Variants in GRK7 observed in about 807,000 individuals in gnomAD.
GRK7 encodes the protein rhodopsin kinase GRK7.
Under a neutral mutation model 34.1 loss-of-function variants are expected in GRK7, and 24 were observed. That is an observed-to-expected ratio of 0.70 (90% confidence interval 0.51 to 0.99). The LOEUF is 0.99. GRK7 is among the 50% of genes least tolerant of loss of function. The pLI is 0.00. For synonymous variants in GRK7, 256 were observed against 279.4 expected (o/e 0.92, Z 0.84); for missense variants, 644 against 707.3 (o/e 0.91, Z 1.02).
chr3:141,776,326 T>G (rs1323204129), intron 2 of GRK7, among the ~76,000 whole-genome samples: 1 of 151,984 alleles, frequency 6.6e-6, no homozygotes, highest in African/African-American at 2.4e-5. Context: ...TATATAAATA[T>G]GTATATATCT....
chr3:141,760,393 C>A (rs371945504), upstream of GRK7, among the ~76,000 whole-genome samples: 11 of 141,906 alleles, frequency 7.8e-5, no homozygotes, highest in African/African-American at 1.3e-4. Flanking sequence ...ATTCAGGAGC[C>A]GGTTGTTCAG....
chr3:141,796,980 A>T (rs182632080), intron 4 of GRK7, among the ~76,000 whole-genome samples: 172 of 152,284 alleles, frequency 1.1e-3, no homozygotes, highest in African/African-American at 4.0e-3. Context: ...TCACAGTCCC[A>T]TAAGGCAAGA....
chr3:141,785,744 A>G (rs1490531086), intron 4 of GRK7, among the ~76,000 whole-genome samples: 2 of 151,614 alleles, frequency 1.3e-5, no homozygotes, highest in Admixed American at 1.3e-4. Flanking sequence ...AGCCTGGATG[A>G]AAGAGAAAGA....
rs1559840467 is a variant in GRK7, at chr3:141,778,763, A to ACGCTGGCCAAGGCTGAG, written c.479_480insCGCTGGCCAAGGCTGAG (p.Glu160AspfsTer6). 1.2e-6 allele frequency: 2 copies of ACGCTGGCCAAGGCTGAG among 1,608,678 alleles called. No homozygotes were observed. The highest frequency in any genetic ancestry group is 3.4e-5 in the Admixed American group (2 of 59,106). ...GCTGAGGCCATGGCTTTCTTGCAAG[A>ACGCTGGCCAAGGCTGAG]GCAGCCCTTTAAGGATTTCGTGACC... On this transcript the variant is annotated stop_gained and frameshift_variant, in exon 3 of 6. Transcript: ENST00000682958. LOFTEE classifies it high-confidence loss of function. The surrounding 1 kb of genome is among the most constrained non-coding windows in gnomAD (Gnocchi z 4.1).
chr3:141,807,224 A>G (rs1254155701), intron 4 of GRK7, among the ~76,000 whole-genome samples: 1 of 152,206 alleles, frequency 6.6e-6, no homozygotes, highest in East Asian at 1.9e-4. Flanking sequence ...CTCAACCTTA[A>G]AAAATCATAT....
At chr3:141,756,066 C>T in the GRK7 span, among the ~76,000 whole-genome samples, 24,484 of 150,824 alleles carry the variant, frequency 0.16, 2,246 homozygotes, top group African/African-American at 0.24. Context: ...ATCCCAAGCA[C>T]TTTGCGAGGC....
chr3:141,770,686 C>T (rs1479106327), intron 1 of GRK7, among the ~76,000 whole-genome samples: 1 of 152,032 alleles, frequency 6.6e-6, no homozygotes, highest in East Asian at 1.9e-4. Context: ...CAGAGAAATG[C>T]AGATTACAGA....
chr3:141,819,278 G>A lies in GRK7; in HGVS notation c.*2228G>A, dbSNP rs1711184864. On this transcript the variant is annotated 3_prime_UTR_variant, in exon 6 of 6. Coordinates refer to ENST00000682958, the MANE Select transcript of GRK7 (RefSeq NM_139209.3). ...GGACAAATGCAAACTAATAATTAAA[G>A]ATAAATATCTCAGTTTTTAAAAGGA... 6.6e-6 allele frequency among the ~76,000 whole-genome samples: 1 copy of A among 152,070 alleles called. No homozygotes were observed. Among genetic ancestry groups the A allele is most frequent in the Non-Finnish European group, 1.5e-5 (1 of 67,996 alleles).
rs1271582816 is a variant in GRK7, at chr3:141,778,618, A to T, written c.334A>T (p.Thr112Ser). ...CAGCGCGCTGCAGGGGCTGGTGGCC[A>T]CTTGTGCGAGTGCCCCTGCCCCGGG... ...KDSALQGLVA[T>S]CASAPAPGNP... Residue 112 changes from threonine to serine, a missense_variant, in exon 3 of 6, where the codon ACT becomes TCT. Physicochemically the swap from Thr to Ser is moderately conservative, Grantham distance 58 (BLOSUM62 1). Transcript: ENST00000682958. This position sits in a 1 kb window ranked among gnomAD's most constrained non-coding sequence, Gnocchi z 4.1. The T allele has an allele frequency of 1.2e-6, 2 of 1,612,266 alleles. No individual in the cohort carries two copies. Among genetic ancestry groups the T allele is most frequent in the Non-Finnish European group, 1.7e-6 (2 of 1,179,288 alleles).
At chr3:141,771,933 T>C (rs1236036103) in intron 1 of GRK7, among the ~76,000 whole-genome samples, 2 of 151,766 alleles carry the variant, frequency 1.3e-5, no homozygotes, top group Admixed American at 6.6e-5. Context: ...GATCCACCCG[T>C]CTCAGCCTCC....
chr3:141,762,794 G>T (rs1459485093), upstream of GRK7, among the ~76,000 whole-genome samples: 4 of 152,232 alleles, frequency 2.6e-5, no homozygotes, highest in Non-Finnish European at 5.9e-5. Context: ...CGTGGGGTAG[G>T]ACCCTCCGAG....
chr3:141,759,228 T>C (rs1274816625), upstream of GRK7, among the ~76,000 whole-genome samples: 1 of 133,632 alleles, frequency 7.5e-6, no homozygotes, highest in African/African-American at 2.7e-5. Context: ...ATCCCTGTCT[T>C]GTGCCAGTTT....
At position 141,807,879 on chromosome 3, in the gene GRK7, C is replaced by A; in HGVS notation, c.1285C>A (p.Leu429Ile). Reference protein sequence around the residue: ...FTEEAKDICRLFLAKKPEQRL... With the variant: ...FTEEAKDICRIFLAKKPEQRL... Reference sequence around the variant, plus strand: ...AGAGGAAGCAAAAGATATTTGCAGGCTCTTCTTGGCTAAGAAACCAGAGCA... The same window carrying A: ...AGAGGAAGCAAAAGATATTTGCAGGATCTTCTTGGCTAAGAAACCAGAGCA... The change falls in exon 5 of 6, where the codon CTC (leucine) becomes ATC (isoleucine). Residue 429 changes from leucine (L) to isoleucine (I), a missense_variant. Transcript: ENST00000682958. The A allele has an allele frequency of 4.4e-6, 7 of 1,605,750 alleles. No homozygotes were observed. Among genetic ancestry groups the A allele is most frequent in the South Asian group, 1.1e-5 (1 of 89,910 alleles).
rs1711015535 is a variant in GRK7, at chr3:141,805,061, CA to C, written c.1051-2583del. Among the ~76,000 whole-genome samples, 8 of 8,346 alleles carry C rather than the reference CA, an allele frequency of 9.6e-4. No homozygotes were observed. The African/African-American group carries it at 0.023, about 24-fold the overall frequency. The allele number at this position is 8,346 out of a possible 152,430, so 5.5% of individuals were successfully genotyped here. ...CCACTCACACACACTCATATGCCCA[CA>C]CACACACACACACACGCACATACAC... is the stretch of plus-strand genomic sequence containing the variant. On this transcript the variant is annotated intron_variant, in intron 4 of 5. Transcript: ENST00000682958.
chr3:141,807,525 G>T (rs1161930114), intron 4 of GRK7, 120 bp from the exon 5 acceptor site: 5 of 884,284 alleles, frequency 5.7e-6, no homozygotes, highest in Admixed American at 2.3e-5. Flanking sequence ...ACAAATTAGG[G>T]TTCCCTCAAC....
intron 4 of GRK7, among the ~76,000 whole-genome samples, chr3:141,801,921 A>G (rs566927515): frequency 1.8e-4 from 27 of 152,208 alleles, no homozygotes; most frequent in African/African-American, 6.3e-4. Flanking sequence ...AGAATTGGGG[A>G]AAAAAATGGG....
rs377053600 is a variant in GRK7, at chr3:141,778,100, G to A, written c.-113-72G>A. The stretch of plus-strand genomic sequence containing the variant: ...GACCTATCGTGTGCAGTTCCTGGCG[G>A]GCTATACATAGCCAGTCAAAGCTTC... On this transcript the variant is annotated intron_variant, in intron 2 of 5. Transcript: ENST00000682958. The surrounding 1 kb of genome is among the most constrained non-coding windows in gnomAD (Gnocchi z 4.1). 111 of 672,888 alleles carry A rather than the reference G, an allele frequency of 1.6e-4. No individual in the cohort carries two copies. In the East Asian group the frequency reaches 2.9e-3, roughly 18 times the overall value. The allele number at this position is 672,888 out of a possible 1,614,324, so 41.7% of individuals were successfully genotyped here.
At chr3:141,769,833 C>G (rs772338817) in intron 1 of GRK7, among the ~76,000 whole-genome samples, 1 of 152,220 alleles carries the variant, frequency 6.6e-6, no homozygotes, top group Non-Finnish European at 1.5e-5. Context: ...CAGCTCCTAC[C>G]AGACAGCCCC....
rs1711178837 is a variant in GRK7, at chr3:141,818,628, C to T, written c.*1578C>T. ...AAGCACAGCCAAGGTGAGAATTCTA[C>T]AGCTGCGAAAAAATATTTGGGATAC... On this transcript the variant is annotated 3_prime_UTR_variant, in exon 6 of 6. Coordinates refer to ENST00000682958, the MANE Select transcript of GRK7 (RefSeq NM_139209.3). The T allele has an allele frequency of 6.6e-6, 1 of 152,174 alleles. No individual in the cohort carries two copies. Among genetic ancestry groups the T allele is most frequent in the Non-Finnish European group, 1.5e-5 (1 of 68,040 alleles). 9.4% of individuals were successfully genotyped at this position (152,174 alleles called of 1,614,324 possible).
Sources: gnomAD v4.1 joint callset for allele counts (sites outside exome capture counted in the v4.1 genomes callset) on GRCh38, gnomAD v4.1.1 for gene constraint, Gnocchi (gnomAD v3.1) non-coding constraint, MANE v1.5 for transcripts, NCBI Gene and HGNC (gene_info 2026-07-23, HGNC 2026-07-21) for gene names.